CLSTN2: variants seen among roughly 807,000 people sequenced by gnomAD.
The protein encoded by CLSTN2 is calsyntenin-2.
Under a neutral mutation model 101.2 loss-of-function variants are expected in CLSTN2, and 48 were observed. That is an observed-to-expected ratio of 0.47 (90% CI 0.38 to 0.60). The LOEUF is 0.60. Among genes scored for constraint, CLSTN2 ranks in the 20% least tolerant of loss-of-function variants. CLSTN2 has a pLI of 0.00. For missense variants in CLSTN2, 1,160 were observed against 1,238.2 expected, an observed-to-expected ratio of 0.94 and a Z score of 0.95; for synonymous variants, 481 against 463.6, an observed-to-expected ratio of 1.04 and a Z score of -0.48.
intron 1 of CLSTN2, among the ~76,000 whole-genome samples, chr3:140,083,598 A>G (rs1027892829): frequency 3.3e-5 from 5 of 152,188 alleles, no homozygotes; most frequent in African/African-American, 1.2e-4. Flanking sequence ...CCAATATTCT[A>G]TTACCCCAGA....
At chr3:140,448,741 G>A (rs750559755) in intron 6 of CLSTN2, 37 bp downstream of exon 6, 2 of 1,550,588 alleles carry the variant, frequency 1.3e-6, no homozygotes, top group South Asian at 1.1e-5. Context: ...AAAATCAATT[G>A]CTTTTAAATG....
At chr3:140,508,719 C>T (rs1268804144) in intron 8 of CLSTN2, 1 of 151,288 alleles carries the variant, frequency 6.6e-6, no homozygotes, top group Non-Finnish European at 1.5e-5. Flanking sequence ...TGGGCACTTA[C>T]AACCGACAAC....
intron 8 of CLSTN2, among the ~76,000 whole-genome samples, chr3:140,471,415 C>G (rs548720275): frequency 1.3e-5 from 2 of 152,114 alleles, no homozygotes; most frequent in Non-Finnish European, 2.9e-5. Context: ...GACCAGCAAG[C>G]GCACAGGTAC....
intron 2 of CLSTN2, among the ~76,000 whole-genome samples, chr3:140,276,386 C>A (rs541784538): frequency 1.3e-5 from 2 of 152,290 alleles, no homozygotes; most frequent in South Asian, 4.2e-4. Context: ...TTAGAGCCCA[C>A]ACCCTTCACG....
At chr3:140,395,833 G>A (rs928335549) in intron 2 of CLSTN2, among the ~76,000 whole-genome samples, 11 of 152,154 alleles carry the variant, frequency 7.2e-5, no homozygotes, top group African/African-American at 2.4e-4. Flanking sequence ...CTGGCAGTGT[G>A]GTCAGTGTTG....
At chr3:140,097,018 T>TTTC (rs1346012518) in intron 1 of CLSTN2, among the ~76,000 whole-genome samples, 1 of 152,130 alleles carries the variant, frequency 6.6e-6, no homozygotes, top group African/African-American at 2.4e-5. Flanking sequence ...TAAGCCTTGG[T>TTTC]TTCTTCACTA....
At chr3:140,086,704 C>T (rs1278425912) in intron 1 of CLSTN2, among the ~76,000 whole-genome samples, 3 of 152,262 alleles carry the variant, frequency 2.0e-5, no homozygotes, top group South Asian at 2.1e-4. Context: ...TCTACAGTTC[C>T]CCTGGATATC....
chr3:140,037,653 T>G (rs2007680806), intron 1 of CLSTN2, among the ~76,000 whole-genome samples: 1 of 152,046 alleles, frequency 6.6e-6, no homozygotes, highest in Non-Finnish European at 1.5e-5. Context: ...ATCACCCAGG[T>G]ATTAAGCACA....
intron 8 of CLSTN2, among the ~76,000 whole-genome samples, chr3:140,474,190 C>G (rs1426420438): frequency 6.6e-6 from 1 of 152,108 alleles, no homozygotes; most frequent in African/African-American, 2.4e-5. Context: ...GCTCATAAAT[C>G]AATCCACCTC....
At chr3:140,044,757 C>G in intron 1 of CLSTN2, among the ~76,000 whole-genome samples, 1 of 152,104 alleles carries the variant, frequency 6.6e-6, no homozygotes, top group East Asian at 1.9e-4. Context: ...TGAATTTTGT[C>G]GAAGGCCTTT....
chr3:140,208,692 G>T (rs1326435919), intron 2 of CLSTN2, among the ~76,000 whole-genome samples: 2 of 152,096 alleles, frequency 1.3e-5, no homozygotes, highest in African/African-American at 4.8e-5. Flanking sequence ...TTCTAAGGTT[G>T]CATTTTGGGA....
At chr3:140,226,224 G>A (rs2086319009) in intron 2 of CLSTN2, among the ~76,000 whole-genome samples, 1 of 150,546 alleles carries the variant, frequency 6.6e-6, no homozygotes, top group Non-Finnish European at 1.5e-5. Flanking sequence ...ACAGGGTGGG[G>A]ATGGGAGGGA....
In CLSTN2 at chr3:140,404,630, T is replaced by G. The variant is rs888036462; in HGVS notation, c.501T>G (p.Ala167=). 1.2e-6 allele frequency: 2 copies of G among 1,614,102 alleles called. No homozygotes were observed. Among genetic ancestry groups the G allele is most frequent in the African/African-American group, 2.7e-5 (2 of 74,948 alleles). The change falls in exon 4 of 17, where the codon GCT becomes GCG. Residue 167 remains alanine (A), a synonymous_variant. Coordinates refer to ENST00000458420, the MANE Select transcript of CLSTN2 (RefSeq NM_022131.3). The part of the protein sequence containing the change: ...APTFKEPAYK[A]VVTEGKIYDS... The stretch of plus-strand genomic sequence containing the variant: ...CCTTCAAAGAGCCAGCCTACAAGGC[T>G]GTTGTGACGGAGGGCAAGATCTATG...
intron 1 of CLSTN2, among the ~76,000 whole-genome samples, chr3:139,939,330 C>A (rs73867225): frequency 0.038 from 5,716 of 152,244 alleles, 374 homozygotes; most frequent in African/African-American, 0.13. Context: ...GATGAAGAAA[C>A]AAATTCTATG....
intron 2 of CLSTN2, among the ~76,000 whole-genome samples, chr3:140,268,072 A>G (rs942222696): frequency 2.6e-5 from 4 of 152,194 alleles, no homozygotes; most frequent in African/African-American, 9.7e-5. Flanking sequence ...TTTAGTGCCA[A>G]GCTCTGAGCT....
intron 2 of CLSTN2, among the ~76,000 whole-genome samples, chr3:140,302,564 T>C (rs7636303): frequency 0.62 from 94,898 of 152,042 alleles, 29,878 homozygotes; most frequent in Non-Finnish European, 0.68. Flanking sequence ...AAAGCATTTA[T>C]TCTCAAAGGC....
At chr3:140,270,462 C>T (rs1310136589) in intron 2 of CLSTN2, among the ~76,000 whole-genome samples, 2 of 152,046 alleles carry the variant, frequency 1.3e-5, no homozygotes, top group East Asian at 1.9e-4. Context: ...GTCTGCCGTC[C>T]GGTTGTTAGG....
At chr3:140,321,628 G>C (rs954472634) in intron 2 of CLSTN2, among the ~76,000 whole-genome samples, 22 of 152,222 alleles carry the variant, frequency 1.4e-4, no homozygotes, top group South Asian at 2.1e-4. Context: ...AGGGCAGGGA[G>C]GGGGAGGACC....
intron 9 of CLSTN2, among the ~76,000 whole-genome samples, chr3:140,544,715 G>T (rs1399668690): frequency 6.6e-6 from 1 of 152,034 alleles, no homozygotes; most frequent in East Asian, 1.9e-4. Context: ...GGGTGGGGAG[G>T]GGGCAGGGTG....
Sources: gnomAD v4.1 joint callset for allele counts (sites outside exome capture counted in the v4.1 genomes callset) on GRCh38, gnomAD v4.1.1 for gene constraint, MANE v1.5 for transcripts, NCBI Gene and HGNC (gene_info 2026-07-23, HGNC 2026-07-21) for gene names.